The following WDFY2 variants were observed in gnomAD, a reference collection of about 807,000 sequenced individuals.
The protein encoded by WDFY2 is WD repeat and FYVE domain-containing protein 2.
In WDFY2, 36 loss-of-function variants were observed where a neutral mutation model predicts 56.4. The ratio of observed to expected loss-of-function variants is 0.64; its 90% CI spans 0.49 to 0.84. The LOEUF is 0.84. Ranked by LOEUF, WDFY2 falls within the 40% of genes least tolerant of loss-of-function variation. WDFY2 has a pLI of 0.00. For missense variants in WDFY2, 444 were observed against 512.2 expected (o/e 0.87, Z 1.29); for synonymous variants, 176 against 183.7 (o/e 0.96, Z 0.34).
chr13:51,679,964 G>T (rs1446545080), intron 3 of WDFY2, among the ~76,000 whole-genome samples: 1 of 151,938 alleles, frequency 6.6e-6, no homozygotes, highest in Non-Finnish European at 1.5e-5. Flanking sequence ...TCGCTCTGTT[G>T]CCCACGCCAA....
At chr13:51,661,901 G>A (rs1955621083) in intron 2 of WDFY2, among the ~76,000 whole-genome samples, 1 of 152,100 alleles carries the variant, frequency 6.6e-6, no homozygotes. Context: ...CCATGGCGGT[G>A]ATGAGGGTTT....
intron 2 of WDFY2, among the ~76,000 whole-genome samples, chr13:51,668,375 A>T (rs1955750196): frequency 1.3e-5 from 2 of 152,146 alleles, no homozygotes. Context: ...GACCACTTCT[A>T]ATTTGCTTTG....
At chr13:51,622,983 G>A (rs1055840775) in intron 1 of WDFY2, among the ~76,000 whole-genome samples, 2 of 150,482 alleles carry the variant, frequency 1.3e-5, no homozygotes, top group Admixed American at 6.7e-5. Context: ...TCAGCCTCCC[G>A]AGTAGTTGGG....
chr13:51,745,709 C>T lies in WDFY2; in HGVS notation c.726-5601C>T, dbSNP rs1200837119. Among the ~76,000 whole-genome samples, 3 of 124,526 alleles carry T rather than the reference C, an allele frequency of 2.4e-5. No homozygotes were observed. In the South Asian group the frequency reaches 8.2e-4, roughly 34 times the overall value. 81.7% of individuals were successfully genotyped at this position (124,526 alleles called of 152,430 possible). A position where few individuals can be genotyped will look rare whatever the true frequency, so the allele number is the denominator to read the frequency against. ...TGCTTCCCCCCTCCTCCCCTGTGATCGTAATAATCTCAGTGATTATCCTTC... is the reference window on the plus strand; with the variant it reads ...TGCTTCCCCCCTCCTCCCCTGTGATTGTAATAATCTCAGTGATTATCCTTC... On this transcript the variant is annotated intron_variant, in intron 7 of 11. Coordinates refer to ENST00000298125, the MANE Select transcript of WDFY2 (RefSeq NM_052950.4).
chr13:51,653,037 T>TA (rs1302148683), intron 1 of WDFY2, among the ~76,000 whole-genome samples: 1 of 152,346 alleles, frequency 6.6e-6, no homozygotes, highest in South Asian at 2.1e-4. Context: ...CACTTTCAGG[T>TA]ACACCAATCA....
At chr13:51,748,926 C>T (rs1229220305) in intron 7 of WDFY2, among the ~76,000 whole-genome samples, 2 of 152,100 alleles carry the variant, frequency 1.3e-5, no homozygotes, top group Non-Finnish European at 2.9e-5. Flanking sequence ...AACAAATAGA[C>T]ACTTTAGTAT....
chr13:51,622,149 A>T (rs1954741724), intron 1 of WDFY2, among the ~76,000 whole-genome samples: 1 of 152,186 alleles, frequency 6.6e-6, no homozygotes, highest in Non-Finnish European at 1.5e-5. Context: ...TGCGAAGCAC[A>T]TTTGTGCTGT....
chr13:51,711,578 TAAAC>T (rs1163000432), intron 4 of WDFY2, among the ~76,000 whole-genome samples: 3 of 152,076 alleles, frequency 2.0e-5, no homozygotes, highest in Non-Finnish European at 4.4e-5. Context: ...ACAAAGAACT[TAAAC>T]AAAATTTACA....
chr13:51,709,687 G>A (rs1939666001), intron 4 of WDFY2, among the ~76,000 whole-genome samples: 1 of 152,168 alleles, frequency 6.6e-6, no homozygotes, highest in Admixed American at 6.5e-5. Context: ...AAATCTAGAA[G>A]AAATGGATAC....
intron 1 of WDFY2, among the ~76,000 whole-genome samples, chr13:51,626,685 A>G (rs1954840485): frequency 6.6e-6 from 1 of 152,248 alleles, no homozygotes. Context: ...TGGTGTTTAT[A>G]AATTCCTCTC....
intron 1 of WDFY2, among the ~76,000 whole-genome samples, chr13:51,605,463 T>G (rs1566308843): frequency 6.6e-6 from 1 of 152,180 alleles, no homozygotes. Flanking sequence ...ACTCAATAGA[T>G]GTTAGTGTTT....
intron 3 of WDFY2, among the ~76,000 whole-genome samples, chr13:51,697,745 G>T (rs535368486): frequency 6.6e-6 from 1 of 152,226 alleles, no homozygotes; most frequent in Non-Finnish European, 1.5e-5. Context: ...CAAAAAATAG[G>T]TAGTGACATG....
rs9568640 is a variant in WDFY2, at chr13:51,599,521, T to G, written c.137+14697T>G. 251 of 153,578 alleles carry G rather than the reference T, an allele frequency of 1.6e-3. 4 individuals are homozygous for G. The highest frequency in any genetic ancestry group is 0.014 in the East Asian group (75 of 5,188). 9.5% of individuals were successfully genotyped at this position (153,578 alleles called of 1,614,324 possible). ...AGTTGACTGACTAAATGGAAACTAA[T>G]CTATGTAACAACATGTTTTTGTATT... On this transcript the variant is annotated intron_variant, in intron 1 of 11. Coordinates refer to ENST00000298125, the MANE Select transcript of WDFY2 (RefSeq NM_052950.4).
intron 5 of WDFY2, among the ~76,000 whole-genome samples, chr13:51,723,132 AC>A (rs1215695662): frequency 6.6e-6 from 1 of 152,040 alleles, no homozygotes; most frequent in African/African-American, 2.4e-5. Flanking sequence ...ATTCACATCC[AC>A]TGTTGATTCT....
In WDFY2 at chr13:51,599,658, T is replaced by C. The variant is rs552271859; in HGVS notation, c.137+14834T>C. On this transcript the variant is annotated intron_variant, in intron 1 of 11. Transcript: ENST00000298125. ...CAGATGTTTCTCACCCTTCTTACTC[T>C]GGACTTTGAGTTGTTCCAGGATCAC... Among the ~76,000 whole-genome samples the C allele has an allele frequency of 1.9e-3, 294 of 152,366 alleles. 2 individuals are homozygous for C. Among genetic ancestry groups the C allele is most frequent in the African/African-American group, 6.6e-3 (274 of 41,588 alleles).
chr13:51,694,970 G>A (rs985290244), intron 3 of WDFY2, among the ~76,000 whole-genome samples: 15 of 152,052 alleles, frequency 9.9e-5, no homozygotes, highest in African/African-American at 1.9e-4. Flanking sequence ...CCAGTTGATC[G>A]CATCGGCTCC....
At chr13:51,650,826 T>C (rs1955365514) in intron 1 of WDFY2, among the ~76,000 whole-genome samples, 1 of 152,262 alleles carries the variant, frequency 6.6e-6, no homozygotes, top group Non-Finnish European at 1.5e-5. Context: ...CAGTATTTTA[T>C]TGAGGATTTT....
At chr13:51,716,114 C>T (rs1347383479) in intron 4 of WDFY2, among the ~76,000 whole-genome samples, 1 of 151,938 alleles carries the variant, frequency 6.6e-6, no homozygotes, top group African/African-American at 2.4e-5. Context: ...AGAAAAAAGC[C>T]GCACACAAAA....
At position 51,708,120 on chromosome 13, in the gene WDFY2, G is replaced by C. The variant is rs187763718; in HGVS notation, c.334+4470G>C. 1.2e-3 allele frequency among the ~76,000 whole-genome samples: 180 copies of C among 151,194 alleles called. 1 individual carries two copies. The highest frequency in any genetic ancestry group is 4.3e-3 in the African/African-American group (176 of 41,230). ...GCCACCACACCCAGCTAATATTTGC[G>C]ATCCACCTGCCTTGGCTTCCCAAAG... On this transcript the variant is annotated intron_variant, in intron 4 of 11. Transcript: ENST00000298125.
Sources: allele counts gnomAD v4.1 joint callset (sites outside exome capture counted in the v4.1 genomes callset), GRCh38; gene constraint gnomAD v4.1.1; transcripts MANE v1.5; gene names NCBI Gene and HGNC (gene_info 2026-07-23, HGNC 2026-07-21).